The following CELF2 variants were observed in gnomAD, a reference collection of about 807,000 sequenced individuals.
CELF2 encodes the protein CUGBP Elav-like family member 2, also known as CUG triplet repeat RNA-binding protein 2.
CELF2 carries 8 observed loss-of-function variants against 62.6 expected under a neutral mutation model. The ratio of observed to expected loss-of-function variants is 0.13; its 90% CI spans 0.07 to 0.23. The LOEUF (loss-of-function observed/expected upper bound fraction) is 0.23, where lower values mean the gene tolerates loss of function less well. Among genes scored for constraint, CELF2 ranks in the 10% least tolerant of loss-of-function variants. CELF2 has a pLI of 1.00. For synonymous variants in CELF2, 258 were observed against 250.0 expected, an observed-to-expected ratio of 1.03 and a Z score of -0.30; for missense variants, 333 against 671.0, an observed-to-expected ratio of 0.50 and a Z score of 5.56.
At position 10,833,926 on chromosome 10, in the gene CELF2, C is replaced by T. The variant is rs577136773; in HGVS notation, c.53+35109C>T. On this transcript the variant is annotated intron_variant, in intron 1 of 13. Transcript: ENST00000636488. The stretch of plus-strand genomic sequence containing the variant: ...TGGAAATTCCTAAAACACTTAAAAA[C>T]TGAACTACCATTCAACCCAGCAATC... Among the ~76,000 whole-genome samples the T allele has an allele frequency of 8.5e-5, 13 of 152,318 alleles. 1 individual carries two copies. In the South Asian group the frequency reaches 2.7e-3, roughly 32 times the overall value.
chr10:11,098,145 GAA>G lies in CELF2; in HGVS notation c.75-67340_75-67339del, dbSNP rs1214595352. ...TGAAGGTTGAGCATGTTGTGTGTGT[GAA>G]GGATGAGGTGTGTTTCGTATGCCCA... is the stretch of plus-strand genomic sequence containing the variant. On this transcript the variant is annotated intron_variant, in intron 1 of 12. Coordinates refer to ENST00000633077, the MANE Select transcript of CELF2 (RefSeq NM_001326342.2). The surrounding 1 kb of genome is among the most constrained non-coding windows in gnomAD (Gnocchi z 4.0). The G allele has an allele frequency of 6.6e-6, 1 of 152,496 alleles. No individual in the cohort carries two copies. Among genetic ancestry groups the G allele is most frequent in the Non-Finnish European group, 1.5e-5 (1 of 68,238 alleles). 9.4% of individuals were successfully genotyped at this position (152,496 alleles called of 1,614,324 possible). A position where few individuals can be genotyped will look rare whatever the true frequency, so the allele number is the denominator to read the frequency against.
At chr10:10,741,492 CAAAAAAAA>C in the CELF2 span, among the ~76,000 whole-genome samples, 3 of 57,334 alleles carry the variant, frequency 5.2e-5, no homozygotes, top group Non-Finnish European at 6.0e-5. Flanking sequence ...GACTCCGTCT[CAAAAAAAA>C]AAAAAAAAAA....
chr10:10,792,801 T>TC, the CELF2 span, among the ~76,000 whole-genome samples: 1 of 152,210 alleles, frequency 6.6e-6, no homozygotes, highest in Non-Finnish European at 1.5e-5. Context: ...AGCTCTTTTT[T>TC]CCCCCCTACT....
At chr10:10,614,060 T>A in the CELF2 span, among the ~76,000 whole-genome samples, 111 of 152,214 alleles carry the variant, frequency 7.3e-4, no homozygotes, top group African/African-American at 2.6e-3. Flanking sequence ...GCTTTGGCCC[T>A]CTCCCCAGCT....
intron 2 of CELF2, among the ~76,000 whole-genome samples, chr10:10,948,730 A>G (rs1467583768): frequency 6.6e-6 from 1 of 151,894 alleles, no homozygotes; most frequent in Non-Finnish European, 1.5e-5. Flanking sequence ...TTCTCTACCT[A>G]TCCATATCCC....
At chr10:10,662,890 G>A in the CELF2 span, among the ~76,000 whole-genome samples, 100 of 152,276 alleles carry the variant, frequency 6.6e-4, no homozygotes, top group Admixed American at 1.2e-3. Flanking sequence ...GTGTCAAGAT[G>A]TCTTTCCATG....
intron 3 of CELF2, 69 bp from the exon 4 acceptor site, chr10:11,249,084 C>A: frequency 8.1e-7 from 1 of 1,239,672 alleles, no homozygotes; most frequent in Non-Finnish European, 1.2e-6. Context: ...AATCGAATTG[C>A]TGCAGATTTC....
intron 1 of CELF2, among the ~76,000 whole-genome samples, chr10:10,914,335 C>T (rs2134470781): frequency 6.6e-6 from 1 of 152,110 alleles, no homozygotes. Context: ...TTCAACACTT[C>T]CTAAAAAAAG....
At chr10:10,620,379 G>T in the CELF2 span, among the ~76,000 whole-genome samples, 2 of 144,664 alleles carry the variant, frequency 1.4e-5, no homozygotes, top group Admixed American at 7.2e-5. Flanking sequence ...GGAGGCGGAG[G>T]TTGCAGTGAG....
chr10:11,289,442 T>A (rs1185900244), intron 9 of CELF2, among the ~76,000 whole-genome samples: 3 of 152,206 alleles, frequency 2.0e-5, no homozygotes, highest in Non-Finnish European at 4.4e-5. Flanking sequence ...CCACGCTGGC[T>A]GTTTTAGGGC....
chr10:10,903,151 T>C (rs2063068713), intron 1 of CELF2, among the ~76,000 whole-genome samples: 3 of 152,184 alleles, frequency 2.0e-5, no homozygotes, highest in Admixed American at 2.0e-4. Flanking sequence ...CCTGACTGTG[T>C]ATATCAGCTA....
intron 2 of CELF2, among the ~76,000 whole-genome samples, chr10:11,213,291 A>G (rs1188075940): frequency 6.6e-6 from 1 of 152,176 alleles, no homozygotes; most frequent in Non-Finnish European, 1.5e-5. Flanking sequence ...CCTGCAGGGG[A>G]GGAGGCTTGC....
chr10:10,615,122 C>T, the CELF2 span, among the ~76,000 whole-genome samples: 1 of 152,062 alleles, frequency 6.6e-6, no homozygotes, highest in African/African-American at 2.4e-5. Context: ...AACTGAGCAA[C>T]CTACTCACTG....
At chr10:11,195,945 A>G (rs148990394) in intron 2 of CELF2, among the ~76,000 whole-genome samples, 236 of 152,196 alleles carry the variant, frequency 1.6e-3, no homozygotes, top group African/African-American at 5.3e-3. Flanking sequence ...CAAAATATTA[A>G]TACTCTTTTT....
chr10:11,201,590 G>C (rs1470949896), intron 2 of CELF2, among the ~76,000 whole-genome samples: 4 of 152,212 alleles, frequency 2.6e-5, no homozygotes, highest in Admixed American at 1.3e-4. Context: ...GGCAAATGTG[G>C]TTTCACCATG....
chr10:10,721,568 C>T, the CELF2 span, among the ~76,000 whole-genome samples: 3 of 152,190 alleles, frequency 2.0e-5, no homozygotes, highest in Non-Finnish European at 4.4e-5. Flanking sequence ...TCCTTCTTAT[C>T]GTCTTTTGAA....
At chr10:10,573,195 G>T in the CELF2 span, among the ~76,000 whole-genome samples, 1 of 152,118 alleles carries the variant, frequency 6.6e-6, no homozygotes, top group Non-Finnish European at 1.5e-5. Context: ...TTCTAATGGG[G>T]TTGTTTGTTT....
At chr10:11,258,825 G>A (rs529185312) in intron 5 of CELF2, among the ~76,000 whole-genome samples, 12 of 152,262 alleles carry the variant, frequency 7.9e-5, no homozygotes, top group Middle Eastern at 3.4e-3. Flanking sequence ...GAGCTGGGAC[G>A]ACAGGTGCAC....
At chr10:10,693,421 A>G in the CELF2 span, among the ~76,000 whole-genome samples, 4 of 150,006 alleles carry the variant, frequency 2.7e-5, no homozygotes, top group Admixed American at 6.7e-5. Flanking sequence ...CCAGTATTTT[A>G]TTGAGGATTT....
Sources: allele counts gnomAD v4.1 joint callset (sites outside exome capture counted in the v4.1 genomes callset), GRCh38; gene constraint gnomAD v4.1.1; non-coding constraint Gnocchi (gnomAD v3.1); transcripts MANE v1.5; gene names NCBI Gene and HGNC (gene_info 2026-07-23, HGNC 2026-07-21).